PHACTR1: variants seen among roughly 807,000 people sequenced by gnomAD.
The protein encoded by PHACTR1 is phosphatase and actin regulator 1, also known as RPEL repeat containing 1.
PHACTR1 carries 16 observed loss-of-function variants against 69.2 expected under a neutral mutation model. The ratio of observed to expected loss-of-function variants is 0.23; its 90% CI spans 0.16 to 0.35. The LOEUF (loss-of-function observed/expected upper bound fraction) is 0.35. PHACTR1 is among the 10% of genes least tolerant of loss of function. The pLI is 1.00. For missense variants in PHACTR1, 510 were observed against 734.7 expected (o/e 0.69, Z 3.54); for synonymous variants, 312 against 284.5 (o/e 1.10, Z -0.97).
At chr6:13,284,543 A>AAATATAT (rs1554187813) in intron 13 of PHACTR1, among the ~76,000 whole-genome samples, 3 of 61,366 alleles carry the variant, frequency 4.9e-5, no homozygotes, top group East Asian at 4.6e-4. Flanking sequence ...AAAAAAAAAA[A>AAATATAT]ATATATATAT....
chr6:13,042,788 T>C (rs1236912154), intron 4 of PHACTR1, among the ~76,000 whole-genome samples: 1 of 152,196 alleles, frequency 6.6e-6, no homozygotes, highest in Non-Finnish European at 1.5e-5. Context: ...GCTGAGCCCA[T>C]GTTCTGTGCC....
At chr6:12,907,438 T>C (rs888735988) in intron 4 of PHACTR1, among the ~76,000 whole-genome samples, 2 of 152,226 alleles carry the variant, frequency 1.3e-5, no homozygotes, top group Non-Finnish European at 2.9e-5. Flanking sequence ...TTTATTTCTA[T>C]GTAGTTATTG....
chr6:13,270,434 T>A (rs1463584594), intron 10 of PHACTR1, among the ~76,000 whole-genome samples: 2 of 152,110 alleles, frequency 1.3e-5, no homozygotes, highest in African/African-American at 2.4e-5. Context: ...GGCCTCTAAC[T>A]ATGTGTTCTT....
intron 4 of PHACTR1, among the ~76,000 whole-genome samples, chr6:12,775,232 T>C (rs1769907593): frequency 6.6e-6 from 1 of 152,204 alleles, no homozygotes; most frequent in Non-Finnish European, 1.5e-5. Context: ...TCCTTAATAC[T>C]TGTAACCCTG....
At chr6:12,857,826 C>G (rs1215630981) in intron 4 of PHACTR1, among the ~76,000 whole-genome samples, 1 of 152,134 alleles carries the variant, frequency 6.6e-6, no homozygotes, top group Non-Finnish European at 1.5e-5. Context: ...AAATGAGACT[C>G]AATCGCCTGG....
chr6:12,746,827 C>G (rs1765840730), intron 3 of PHACTR1, among the ~76,000 whole-genome samples: 1 of 152,148 alleles, frequency 6.6e-6, no homozygotes, highest in Non-Finnish European at 1.5e-5. Context: ...TTTCCAGAGA[C>G]ATGGCTGATG....
At chr6:13,086,669 G>A (rs1293023243) in intron 5 of PHACTR1, among the ~76,000 whole-genome samples, 3 of 152,052 alleles carry the variant, frequency 2.0e-5, no homozygotes, top group African/African-American at 7.2e-5. Context: ...TTGTTGCTGA[G>A]TAGTATTTCA....
chr6:13,170,471 A>G (rs111521616), intron 6 of PHACTR1, among the ~76,000 whole-genome samples: 2 of 152,258 alleles, frequency 1.3e-5, no homozygotes, highest in Non-Finnish European at 2.9e-5. Flanking sequence ...CGGCCTTCCA[A>G]TGCTCTATTA....
At chr6:12,731,239 C>A (rs1038525571) in intron 3 of PHACTR1, among the ~76,000 whole-genome samples, 3 of 152,122 alleles carry the variant, frequency 2.0e-5, no homozygotes, top group Non-Finnish European at 4.4e-5. Flanking sequence ...TGGTCTTGAA[C>A]TCCTGACCTC....
chr6:12,929,010 A>G (rs114744209), intron 4 of PHACTR1, among the ~76,000 whole-genome samples: 1 of 152,238 alleles, frequency 6.6e-6, no homozygotes, highest in African/African-American at 2.4e-5. Context: ...AATGTGCAGC[A>G]AAGTTTGAGA....
intron 14 of PHACTR1, among the ~76,000 whole-genome samples, chr6:13,286,735 T>C (rs142446901): frequency 8.8e-4 from 134 of 152,366 alleles, no homozygotes; most frequent in African/African-American, 2.7e-3. Flanking sequence ...AACAGAGCCA[T>C]TGATTTAATT....
At chr6:13,193,738 A>G (rs531016415) in intron 7 of PHACTR1, among the ~76,000 whole-genome samples, 3 of 152,092 alleles carry the variant, frequency 2.0e-5, no homozygotes, top group Non-Finnish European at 2.9e-5. Flanking sequence ...TCATACGTCT[A>G]TCTCCTGTTT....
At chr6:13,117,804 A>G (rs1818034589) in intron 5 of PHACTR1, among the ~76,000 whole-genome samples, 1 of 152,134 alleles carries the variant, frequency 6.6e-6, no homozygotes, top group South Asian at 2.1e-4. Context: ...TCCCCTGGCG[A>G]TTGTAATCTC....
intron 9 of PHACTR1, 23 bp downstream of exon 9, chr6:13,228,086 C>A: frequency 6.3e-7 from 1 of 1,598,664 alleles, no homozygotes; most frequent in Non-Finnish European, 8.5e-7. Context: ...TAACTCATCA[C>A]CAGGGGTGGG....
At chr6:13,018,257 C>T (rs1471044993) in intron 4 of PHACTR1, among the ~76,000 whole-genome samples, 8 of 152,086 alleles carry the variant, frequency 5.3e-5, no homozygotes, top group South Asian at 2.1e-4. Context: ...AGCAGTCTAC[C>T]GAGGTCGAAC....
At chr6:13,049,100 C>A (rs998983509) in intron 4 of PHACTR1, among the ~76,000 whole-genome samples, 1 of 152,138 alleles carries the variant, frequency 6.6e-6, no homozygotes, top group African/African-American at 2.4e-5. Context: ...TATAATTATA[C>A]CTTTATAATA....
intron 10 of PHACTR1, among the ~76,000 whole-genome samples, chr6:13,250,637 G>A (rs182703582): frequency 1.3e-5 from 2 of 152,352 alleles, no homozygotes; most frequent in East Asian, 3.9e-4. Context: ...GCCATGCCAT[G>A]CAGGCTTAGC....
chr6:12,842,796 C>T (rs1424045142), intron 4 of PHACTR1, among the ~76,000 whole-genome samples: 1 of 152,122 alleles, frequency 6.6e-6, no homozygotes, highest in African/African-American at 2.4e-5. Flanking sequence ...TCCCATGCCT[C>T]GGCCTTCCAA....
At chr6:12,922,291 G>A (rs1582500606) in intron 4 of PHACTR1, among the ~76,000 whole-genome samples, 1 of 152,288 alleles carries the variant, frequency 6.6e-6, no homozygotes, top group East Asian at 1.9e-4. Context: ...AATTGTGACT[G>A]AAGTATTGAG....
Sources: allele counts gnomAD v4.1 joint callset (sites outside exome capture counted in the v4.1 genomes callset), GRCh38; gene constraint gnomAD v4.1.1; transcripts MANE v1.5; gene names NCBI Gene and HGNC (gene_info 2026-07-23, HGNC 2026-07-21).